Variants in L3MBTL4 observed in about 807,000 individuals in gnomAD.
L3MBTL4 encodes the protein L3MBTL histone methyl-lysine binding protein 4.
A neutral mutation model predicts 84.5 loss-of-function variants in L3MBTL4; 70 were observed. That is an observed-to-expected ratio of 0.83 (90% confidence interval 0.68 to 1.01). The LOEUF (loss-of-function observed/expected upper bound fraction) is 1.01, where lower values mean the gene tolerates loss of function less well. L3MBTL4 is among the 50% of genes least tolerant of loss of function. The pLI is 0.00. For missense variants in L3MBTL4, 715 were observed against 754.8 expected (o/e 0.95, Z 0.62); for synonymous variants, 274 against 259.8 (o/e 1.05, Z -0.52).
At chr18:6,165,414 G>T (rs917733396) in intron 13 of L3MBTL4, among the ~76,000 whole-genome samples, 15 of 152,188 alleles carry the variant, frequency 9.9e-5, no homozygotes, top group Non-Finnish European at 2.2e-4. Context: ...GAAAAAAATG[G>T]TAAGGGCAGC....
chr18:6,354,869 T>C (rs2053363195), intron 1 of L3MBTL4, among the ~76,000 whole-genome samples: 1 of 152,212 alleles, frequency 6.6e-6, no homozygotes, highest in South Asian at 2.1e-4. Context: ...GAGAACAGTT[T>C]GGAGGTCCCA....
rs540120976 is a variant in L3MBTL4 at position 5,964,803 on chromosome 18, G to A, written c.1614+4590C>T. On this transcript the variant is annotated intron_variant, in intron 17 of 18. Coordinates refer to ENST00000317931, the MANE Select transcript of L3MBTL4 (RefSeq NM_001330559.2). ...CACATATCACGCCCTGCCTGCCCGC[G>A]TGTGCCTACACATATATACCTGGCA... Among the ~76,000 whole-genome samples, 4 of 152,090 alleles carry A rather than the reference G, an allele frequency of 2.6e-5. No individual in the cohort carries two copies. In the East Asian group the frequency reaches 7.7e-4, roughly 29 times the overall value.
intron 16 of L3MBTL4, among the ~76,000 whole-genome samples, chr18:5,983,876 T>C (rs970354848): frequency 1.3e-4 from 20 of 152,176 alleles, no homozygotes; most frequent in Non-Finnish European, 2.5e-4. Flanking sequence ...CTTCATTGTG[T>C]CATATTTTAT....
chr18:6,353,141 TTGAAAAACTATGG>T (rs2053276010), intron 1 of L3MBTL4, among the ~76,000 whole-genome samples: 1 of 152,178 alleles, frequency 6.6e-6, no homozygotes, highest in Admixed American at 6.6e-5. Flanking sequence ...AAATACACAC[TTGAAAAACTATGG>T]TGGAAAATAT....
At chr18:6,033,908 A>G (rs942921359) in intron 16 of L3MBTL4, among the ~76,000 whole-genome samples, 2 of 152,212 alleles carry the variant, frequency 1.3e-5, no homozygotes, top group Non-Finnish European at 2.9e-5. Context: ...TAGTCTGTTA[A>G]GTTGTGAAAA....
At chr18:6,343,952 T>C (rs1489050595) in intron 1 of L3MBTL4, among the ~76,000 whole-genome samples, 3 of 119,320 alleles carry the variant, frequency 2.5e-5, no homozygotes, top group African/African-American at 1.0e-4. Context: ...AAAATAAGAA[T>C]GATGTCAAAT....
At chr18:6,403,413 A>G (rs1452214854) in intron 1 of L3MBTL4, among the ~76,000 whole-genome samples, 2 of 152,138 alleles carry the variant, frequency 1.3e-5, no homozygotes, top group African/African-American at 4.8e-5. Context: ...CCAATAAAGC[A>G]TTTTCACTGG....
chr18:6,313,941 A>T (rs534928806), intron 1 of L3MBTL4, among the ~76,000 whole-genome samples: 4 of 152,216 alleles, frequency 2.6e-5, no homozygotes, highest in Non-Finnish European at 5.9e-5. Context: ...TCACCAAACA[A>T]TCCATGTAAG....
intron 16 of L3MBTL4, among the ~76,000 whole-genome samples, chr18:6,022,349 G>T (rs768640869): frequency 6.6e-6 from 1 of 152,062 alleles, no homozygotes; most frequent in Non-Finnish European, 1.5e-5. Flanking sequence ...ACCTCCTTTT[G>T]CCCAGACCTC....
At chr18:6,247,173 A>G (rs936779648) in intron 5 of L3MBTL4, among the ~76,000 whole-genome samples, 1 of 152,134 alleles carries the variant, frequency 6.6e-6, no homozygotes. Flanking sequence ...TTTCCCTAAG[A>G]ATAGAACATT....
At chr18:6,355,620 G>C (rs1177461434) in intron 1 of L3MBTL4, among the ~76,000 whole-genome samples, 1 of 151,980 alleles carries the variant, frequency 6.6e-6, no homozygotes, top group Non-Finnish European at 1.5e-5. Context: ...AAATGGAATT[G>C]TTCTAAATAA....
intron 16 of L3MBTL4, among the ~76,000 whole-genome samples, chr18:5,999,858 G>T (rs183524560): frequency 2.1e-4 from 32 of 152,276 alleles, no homozygotes; most frequent in Non-Finnish European, 4.3e-4. Flanking sequence ...GGGTGAGCAG[G>T]GTTGGTATAA....
chr18:5,979,347 C>T (rs1472127226), intron 16 of L3MBTL4, among the ~76,000 whole-genome samples: 3 of 152,196 alleles, frequency 2.0e-5, no homozygotes, highest in Middle Eastern at 3.2e-3. Context: ...ACAGCCAGCC[C>T]AGGGCACAGC....
intron 16 of L3MBTL4, among the ~76,000 whole-genome samples, chr18:6,013,028 T>C (rs144434425): frequency 0.011 from 1,721 of 152,254 alleles, 37 homozygotes; most frequent in African/African-American, 0.04. Context: ...TTTGTTTTCC[T>C]CGCCTGATGG....
At chr18:6,093,829 T>G (rs2058541497) in intron 14 of L3MBTL4, among the ~76,000 whole-genome samples, 1 of 152,238 alleles carries the variant, frequency 6.6e-6, no homozygotes, top group Non-Finnish European at 1.5e-5. Flanking sequence ...AATGGAACAA[T>G]GCAAATGTCA....
At chr18:5,967,009 G>A (rs1031852624) in intron 17 of L3MBTL4, among the ~76,000 whole-genome samples, 2 of 152,152 alleles carry the variant, frequency 1.3e-5, no homozygotes, top group South Asian at 4.1e-4. Context: ...CTTCCTGGGT[G>A]TCTCCTTCTC....
intron 10 of L3MBTL4, among the ~76,000 whole-genome samples, chr18:6,223,617 T>A (rs1331232575): frequency 2.0e-5 from 3 of 152,212 alleles, no homozygotes; most frequent in Non-Finnish European, 4.4e-5. Flanking sequence ...ATACGTACAG[T>A]ATAAGATGAT....
At chr18:6,398,158 C>A (rs1050533321) in intron 1 of L3MBTL4, 1 of 152,250 alleles carries the variant, frequency 6.6e-6, no homozygotes, top group Non-Finnish European at 1.5e-5. Flanking sequence ...GCCTGGGCGG[C>A]AGAGCAAGAC....
intron 12 of L3MBTL4, 134 bp downstream of exon 12, chr18:6,213,015 C>A: frequency 1.8e-6 from 1 of 561,678 alleles, no homozygotes; most frequent in South Asian, 3.0e-5. Context: ...AAATCCAGAA[C>A]GCTTTTCCCC....
Sources: gnomAD v4.1 joint callset for allele counts (sites outside exome capture counted in the v4.1 genomes callset) on GRCh38, gnomAD v4.1.1 for gene constraint, MANE v1.5 for transcripts, NCBI Gene and HGNC (gene_info 2026-07-23, HGNC 2026-07-21) for gene names.